ANKRD30A: variants seen among roughly 807,000 people sequenced by gnomAD.
ANKRD30A encodes ankyrin repeat domain 30A, also known as ankyrin repeat domain-containing protein 30A.
A neutral mutation model predicts 166.3 loss-of-function variants in ANKRD30A; 170 were observed. The ratio of observed to expected loss-of-function variants is 1.02; its 90% CI spans 0.90 to 1.16. The LOEUF is 1.16. Ranked by LOEUF, ANKRD30A falls within the 50% of genes most tolerant of loss-of-function variation. The pLI is 0.00. For missense variants in ANKRD30A, 1,630 were observed against 1,518.0 expected, an observed-to-expected ratio of 1.07 and a Z score of -1.23; for synonymous variants, 564 against 508.9, an observed-to-expected ratio of 1.11 and a Z score of -1.46.
intron 17 of ANKRD30A, 145 bp from the exon 18 acceptor site, chr10:37,164,949 A>C (rs1839193258): frequency 3.9e-6 from 3 of 773,324 alleles, no homozygotes; most frequent in South Asian, 1.6e-5. Flanking sequence ...TGACTATAGA[A>C]GTAGTCATTG....
intron 1 of ANKRD30A, among the ~76,000 whole-genome samples, chr10:37,129,179 T>G (rs1836232383): frequency 6.6e-6 from 1 of 152,212 alleles, no homozygotes; most frequent in South Asian, 2.1e-4. Context: ...CGTCCTGTTG[T>G]ATATACCATA....
chr10:37,232,654 T>TTATA (rs10559316), downstream of ANKRD30A: 289 of 54,144 alleles, frequency 5.3e-3, 6 homozygotes, highest in South Asian at 7.1e-3. Flanking sequence ...AGCATTGGTT[T>TTATA]TATATATATA....
intron 18 of ANKRD30A, among the ~76,000 whole-genome samples, chr10:37,166,345 T>C (rs1218355557): frequency 6.6e-6 from 1 of 152,242 alleles, no homozygotes; most frequent in Non-Finnish European, 1.5e-5. Flanking sequence ...GAGTGAATTT[T>C]TTTGTGAAGG....
At chr10:37,183,776 A>G (rs1840201691) in intron 24 of ANKRD30A, among the ~76,000 whole-genome samples, 1 of 148,260 alleles carries the variant, frequency 6.7e-6, no homozygotes, top group African/African-American at 2.5e-5. Context: ...CAGCAGTTTT[A>G]TATTTAAAGT....
rs191096661 is a variant in ANKRD30A, at chr10:37,202,400, C to T, written c.2869+1075C>T. Among the ~76,000 whole-genome samples the T allele has an allele frequency of 3.4e-3, 512 of 152,132 alleles. 2 individuals are homozygous for T. Among genetic ancestry groups the T allele is most frequent in the Middle Eastern group, 0.02 (6 of 294 alleles). On this transcript the variant is annotated intron_variant, in intron 31 of 35. Coordinates refer to ENST00000361713, the MANE Select transcript of ANKRD30A (RefSeq NM_052997.3). ...TCCAGAATGACTACTGGGTACATAA[C>T]GAAATCAAGGCAGAAATAAATATGT... is the stretch of plus-strand genomic sequence containing the variant.
chr10:37,264,159 T>C, the ANKRD30A span, among the ~76,000 whole-genome samples: 2 of 152,174 alleles, frequency 1.3e-5, no homozygotes, highest in African/African-American at 4.8e-5. Flanking sequence ...ATTGATTTTG[T>C]CCATTCAGCC....
At chr10:37,257,178 G>T in the ANKRD30A span, among the ~76,000 whole-genome samples, 1 of 151,932 alleles carries the variant, frequency 6.6e-6, no homozygotes, top group African/African-American at 2.4e-5. Context: ...TAGTTTATTT[G>T]CATTGAGGTA....
At chr10:37,164,586 G>A (rs71502267) in intron 17 of ANKRD30A, among the ~76,000 whole-genome samples, 2 of 151,978 alleles carry the variant, frequency 1.3e-5, no homozygotes, top group African/African-American at 2.4e-5. Context: ...CATAGCATAC[G>A]GAAATGTAAA....
rs1265766489 is a variant in ANKRD30A at position 37,141,768 on chromosome 10, A to T, written c.871A>T (p.Thr291Ser). 4 of 1,612,316 alleles carry T rather than the reference A, an allele frequency of 2.5e-6. No individual in the cohort carries two copies. The highest frequency in any genetic ancestry group is 2.0e-4 in the Middle Eastern group (1 of 4,970). Residue 291 changes from threonine to serine, a missense_variant, in exon 7 of 36, where the codon ACA becomes TCA. Physicochemically the swap from Thr to Ser is moderately conservative, Grantham distance 58. This residue lies in a region of ANKRD30A where 904 missense variants were observed against 818.5 expected (regional missense o/e 1.10). Coordinates refer to ENST00000361713, the MANE Select transcript of ANKRD30A (RefSeq NM_052997.3). ...PDEAAPLAERTPDTAESLVEK... is the reference protein window; with the variant it reads ...PDEAAPLAERSPDTAESLVEK... ...TGAGGCTGCACCCTTGGCGGAAAGA[A>T]CACCTGACACAGCTGAAAGCTTGGT...
chr10:37,217,744 A>G lies in ANKRD30A; in HGVS notation c.3133A>G (p.Asn1045Asp). The part of the protein sequence containing the change: ...EEKRRNADIL[N>D]EKIREELGRI... ...GAAGAGAAGAAATGCCGATATATTA[A>G]ATGAAAAAATTAGGGAAGAATTAGG... Residue 1045 changes from asparagine (N) to aspartate (D), a missense_variant, in exon 33 of 36, where the codon AAT becomes GAT. This residue lies in a region of ANKRD30A where 712 missense variants were observed against 629.3 expected (regional missense o/e 1.13). Transcript: ENST00000361713. The G allele has an allele frequency of 6.3e-7, 1 of 1,595,194 alleles. No homozygotes were observed.
the ANKRD30A span, among the ~76,000 whole-genome samples, chr10:37,260,705 T>C: frequency 1.3e-5 from 2 of 152,190 alleles, no homozygotes; most frequent in African/African-American, 2.4e-5. Context: ...GGCCCAGATA[T>C]GTGTGTATAG....
At chr10:37,214,546 A>G (rs985589156) in intron 31 of ANKRD30A, among the ~76,000 whole-genome samples, 2 of 146,662 alleles carry the variant, frequency 1.4e-5, no homozygotes, top group African/African-American at 2.5e-5. Context: ...ATAGGTATAT[A>G]TATATATATA....
chr10:37,216,163 A>G lies in ANKRD30A; in HGVS notation c.2870-18A>G, dbSNP rs773520194. 6.6e-7 allele frequency: 1 copy of G among 1,525,516 alleles called. No homozygotes were observed. Among genetic ancestry groups the G allele is most frequent in the South Asian group, 1.2e-5 (1 of 84,624 alleles). 94.5% of individuals were successfully genotyped at this position (1,525,516 alleles called of 1,614,324 possible). A position where few individuals can be genotyped will look rare whatever the true frequency, so the allele number is the denominator to read the frequency against. On this transcript the variant is annotated intron_variant, in intron 31 of 35. Transcript: ENST00000361713. ...AAAAGTACTAATATATTTTATTTGT[A>G]TCTCCTCCTTGAGACAGATTCAACT...
At position 37,166,428 on chromosome 10, in the gene ANKRD30A, G is replaced by A. The variant is rs1305497140; in HGVS notation, c.2065-177G>A. The stretch of plus-strand genomic sequence containing the variant: ...TAAAGATGAGCTTGATGTAGAGAGG[G>A]TTATGTGAGGTTTTCTATCAAAATG... On this transcript the variant is annotated intron_variant, in intron 18 of 35. Coordinates refer to ENST00000361713, the MANE Select transcript of ANKRD30A (RefSeq NM_052997.3). 3.9e-5 allele frequency among the ~76,000 whole-genome samples: 6 copies of A among 151,984 alleles called. No individual in the cohort carries two copies. In the South Asian group the frequency reaches 6.2e-4, roughly 16 times the overall value.
At chr10:37,244,328 C>T in the ANKRD30A span, among the ~76,000 whole-genome samples, 4 of 152,192 alleles carry the variant, frequency 2.6e-5, no homozygotes, top group Admixed American at 2.6e-4. Flanking sequence ...GTTAGTCAGA[C>T]TGGCACCACG....
the ANKRD30A span, among the ~76,000 whole-genome samples, chr10:37,265,328 C>T: frequency 6.6e-6 from 1 of 152,144 alleles, no homozygotes; most frequent in Non-Finnish European, 1.5e-5. Context: ...GGAAGCTGTG[C>T]AAGCTCAGGT....
chr10:37,244,685 C>T, the ANKRD30A span, among the ~76,000 whole-genome samples: 27 of 152,316 alleles, frequency 1.8e-4, 1 homozygote, highest in South Asian at 5.0e-3. Context: ...GCCAAGCTGC[C>T]CTTTTACACA....
At chr10:37,197,540 T>C in intron 29 of ANKRD30A, 60 bp downstream of exon 29, 1 of 1,608,960 alleles carries the variant, frequency 6.2e-7, no homozygotes, top group Non-Finnish European at 8.5e-7. Flanking sequence ...ATTTTGATGG[T>C]CTTTCTATCC....
chr10:37,192,058 A>T (rs917445404), intron 25 of ANKRD30A, among the ~76,000 whole-genome samples: 1 of 152,002 alleles, frequency 6.6e-6, no homozygotes, highest in African/African-American at 2.4e-5. Flanking sequence ...TTTTTTAGAG[A>T]CAGAGTCTCG....
Sources: gnomAD v4.1 joint callset for allele counts (sites outside exome capture counted in the v4.1 genomes callset) on GRCh38, gnomAD v4.1.1 for gene constraint, gnomAD v4.1.1 regional missense constraint, MANE v1.5 for transcripts, NCBI Gene and HGNC (gene_info 2026-07-23, HGNC 2026-07-21) for gene names.